ACYP2: variants seen among roughly 807,000 people sequenced by gnomAD.
ACYP2 encodes acylphosphatase-2.
Under a neutral mutation model 11.2 loss-of-function variants are expected in ACYP2, and 12 were observed. That is an observed-to-expected ratio of 1.08 (90% CI 0.69 to 1.74). ACYP2 has a LOEUF of 1.74. Among genes scored for constraint, ACYP2 ranks in the 40% most tolerant of loss-of-function variants. ACYP2 has a pLI of 0.00. For synonymous variants in ACYP2, 43 were observed against 32.2 expected, an observed-to-expected ratio of 1.33 and a Z score of -1.13; for missense variants, 134 against 101.9, an observed-to-expected ratio of 1.31 and a Z score of -1.35.
At chr2:54,022,720 T>C (rs1674069134) in intron 2 of ACYP2, among the ~76,000 whole-genome samples, 3 of 152,126 alleles carry the variant, frequency 2.0e-5, no homozygotes, top group Admixed American at 6.5e-5. Flanking sequence ...TGAGAAGTGG[T>C]AGATGCAGAA....
chr2:54,118,921 C>T (rs1679977061), intron 4 of ACYP2, among the ~76,000 whole-genome samples: 1 of 152,068 alleles, frequency 6.6e-6, no homozygotes, highest in Admixed American at 6.5e-5. Context: ...CATATATTGT[C>T]TCATTTAATC....
intron 4 of ACYP2, among the ~76,000 whole-genome samples, chr2:54,072,679 C>G (rs924375153): frequency 6.6e-6 from 1 of 151,656 alleles, no homozygotes; most frequent in African/African-American, 2.4e-5. Flanking sequence ...TCTTGTGCCT[C>G]AGGCTCCTGA....
At chr2:54,083,702 C>T (rs921232092) in intron 4 of ACYP2, among the ~76,000 whole-genome samples, 1 of 152,118 alleles carries the variant, frequency 6.6e-6, no homozygotes, top group Non-Finnish European at 1.5e-5. Flanking sequence ...ACTGTTCCCC[C>T]ATCCCCCCAA....
intron 2 of ACYP2, among the ~76,000 whole-genome samples, chr2:54,032,147 T>A (rs374687002): frequency 2.6e-5 from 4 of 152,292 alleles, no homozygotes; most frequent in South Asian, 2.1e-4. Flanking sequence ...CCCATTTGTC[T>A]ATTTTGGCTT....
intron 6 of ACYP2, among the ~76,000 whole-genome samples, chr2:54,187,548 G>A (rs1684064483): frequency 6.6e-6 from 1 of 152,152 alleles, no homozygotes; most frequent in Non-Finnish European, 1.5e-5. Context: ...GGATAAGAAG[G>A]TCACAGACCA....
intron 6 of ACYP2, among the ~76,000 whole-genome samples, chr2:54,189,715 T>G (rs76166498): frequency 0.024 from 3,718 of 152,246 alleles, 152 homozygotes; most frequent in African/African-American, 0.084. Context: ...TTCCTCTGGG[T>G]GTATACCCAG....
intron 6 of ACYP2, among the ~76,000 whole-genome samples, chr2:54,270,153 T>C (rs1036872450): frequency 1.8e-4 from 28 of 152,214 alleles, no homozygotes; most frequent in Non-Finnish European, 1.8e-4. Context: ...TGTTTCCTAA[T>C]TATGTTTCCC....
intron 4 of ACYP2, among the ~76,000 whole-genome samples, chr2:54,068,117 G>T (rs1350255838): frequency 6.6e-6 from 1 of 152,132 alleles, no homozygotes; most frequent in Non-Finnish European, 1.5e-5. Context: ...TCTGTGTGGA[G>T]GGAGATTGAT....
chr2:54,069,554 C>A (rs1350639131), intron 4 of ACYP2, among the ~76,000 whole-genome samples: 1 of 151,898 alleles, frequency 6.6e-6, no homozygotes, highest in African/African-American at 2.4e-5. Context: ...CCTAGCTACT[C>A]GGGAGGCTGA....
rs138018352 is a variant in ACYP2, at chr2:54,285,829, T to C, written c.405-18859T>C. 1.1e-4 allele frequency among the ~76,000 whole-genome samples: 16 copies of C among 152,314 alleles called. No homozygotes were observed. In the East Asian group the frequency reaches 3.1e-3, roughly 29 times the overall value. ...TCTATCCTGCTGTCTGGAACACAGA[T>C]GTGATGGTTGGAACTTTAGCATCCA... On this transcript the variant is annotated intron_variant, in intron 6 of 6. Coordinates refer to ENST00000607452, the MANE Select transcript of ACYP2 (RefSeq NM_001320586.2).
intron 6 of ACYP2, among the ~76,000 whole-genome samples, chr2:54,283,162 C>T (rs1688920029): frequency 6.6e-6 from 1 of 152,038 alleles, no homozygotes; most frequent in Admixed American, 6.6e-5. Context: ...TGAAACTTAC[C>T]CTAATTATCA....
chr2:54,168,178 A>C (rs1434445217), intron 6 of ACYP2, among the ~76,000 whole-genome samples: 1 of 152,134 alleles, frequency 6.6e-6, no homozygotes, highest in Non-Finnish European at 1.5e-5. Context: ...TAATCCCAGC[A>C]CTTTGGTAGG....
intron 2 of ACYP2, among the ~76,000 whole-genome samples, chr2:54,025,115 C>A: frequency 6.6e-6 from 1 of 152,106 alleles, no homozygotes; most frequent in East Asian, 1.9e-4. Flanking sequence ...CAAACGGAAA[C>A]ACATCCCATG....
chr2:54,040,923 A>G (rs1198519772), intron 2 of ACYP2, among the ~76,000 whole-genome samples: 1 of 152,112 alleles, frequency 6.6e-6, no homozygotes, highest in Non-Finnish European at 1.5e-5. Flanking sequence ...CAAAAATGGG[A>G]GAAATAGTGT....
chr2:53,990,510 G>A (rs944254792), intron 2 of ACYP2, among the ~76,000 whole-genome samples: 6 of 151,402 alleles, frequency 4.0e-5, no homozygotes, highest in Admixed American at 2.0e-4. Flanking sequence ...TTAGCTGGGC[G>A]TGGTGGCGGC....
chr2:54,019,656 G>A lies in ACYP2; in HGVS notation c.63-31302G>A, dbSNP rs534142055. 1.3e-3 allele frequency among the ~76,000 whole-genome samples: 192 copies of A among 151,498 alleles called. 2 individuals carry two copies. The highest frequency in any genetic ancestry group is 4.6e-3 in the African/African-American group (191 of 41,336). ...TTATTTTGAGACGGAGTCTCACTCC[G>A]TCACCCAGGCTAGAGTGCAGTGGCG... On this transcript the variant is annotated intron_variant, in intron 2 of 6. Coordinates refer to ENST00000607452, the MANE Select transcript of ACYP2 (RefSeq NM_001320586.2).
intron 4 of ACYP2, among the ~76,000 whole-genome samples, chr2:54,091,212 C>T (rs982786995): frequency 6.6e-6 from 1 of 152,080 alleles, no homozygotes; most frequent in South Asian, 2.1e-4. Context: ...TGATTTAGTA[C>T]ATCTAAACTA....
intron 2 of ACYP2, among the ~76,000 whole-genome samples, chr2:53,987,482 C>A (rs903211089): frequency 1.3e-5 from 2 of 151,982 alleles, no homozygotes; most frequent in Non-Finnish European, 1.5e-5. Flanking sequence ...GTTTTAGTTT[C>A]TCTTGGATAA....
At position 54,196,633 on chromosome 2, in the gene ACYP2, ATTCTTTG is replaced by A. The variant is rs1684492607; in HGVS notation, c.404+57888_404+57894del. Among the ~76,000 whole-genome samples the A allele has an allele frequency of 3.3e-5, 5 of 152,160 alleles. No homozygotes were observed. In the South Asian group the frequency reaches 1.0e-3, roughly 32 times the overall value. On this transcript the variant is annotated intron_variant, in intron 6 of 6. Transcript: ENST00000607452. ...TGCTATTGGCATTTGGGGCTGGATA[ATTCTTTG>A]TTGTGAGGGGCTGTCCTGTGCATTA...
Sources: gnomAD v4.1 joint callset for allele counts (sites outside exome capture counted in the v4.1 genomes callset) on GRCh38, gnomAD v4.1.1 for gene constraint, MANE v1.5 for transcripts, NCBI Gene and HGNC (gene_info 2026-07-23, HGNC 2026-07-21) for gene names.